The following COX7B2 variants were observed in gnomAD, a reference collection of about 807,000 sequenced individuals.
COX7B2 encodes cytochrome c oxidase subunit 7B2, mitochondrial.
For missense variants in COX7B2, 109 were observed against 95.9 expected (o/e 1.14, Z -0.57); for synonymous variants, 37 against 32.1 (o/e 1.15, Z -0.51).
intron 1 of COX7B2, among the ~76,000 whole-genome samples, chr4:46,852,058 A>G (rs12503816): frequency 0.36 from 55,185 of 151,732 alleles, 10,215 homozygotes; most frequent in South Asian, 0.5. Flanking sequence ...ATATATTACT[A>G]TGGTGTTTGC....
At chr4:46,896,238 G>A (rs1719755487) in intron 1 of COX7B2, among the ~76,000 whole-genome samples, 1 of 152,108 alleles carries the variant, frequency 6.6e-6, no homozygotes, top group Non-Finnish European at 1.5e-5. Context: ...ATGCCCATGA[G>A]ACTGTCTAAT....
chr4:46,805,403 CA>C (rs1463426219), intron 2 of COX7B2, among the ~76,000 whole-genome samples: 7 of 152,228 alleles, frequency 4.6e-5, no homozygotes. Flanking sequence ...TAATATACCA[CA>C]AAACTACTTA....
In COX7B2 at chr4:46,888,441, C is replaced by CT. The variant is rs901316950; in HGVS notation, c.-105+20718dup. ...GGACAGGGGCAGATTATGTTTCTTC[C>CT]TTTTTTTTTTTCTTTTTTTTGAGAC... On this transcript the variant is annotated intron_variant, in intron 1 of 2. Coordinates refer to ENST00000355591, the MANE Select transcript of COX7B2 (RefSeq NM_130902.3). Among the ~76,000 whole-genome samples, 652 of 145,532 alleles carry CT rather than the reference C, an allele frequency of 4.5e-3. 6 individuals are homozygous for CT. Among genetic ancestry groups the CT allele is most frequent in the African/African-American group, 0.014 (567 of 39,880 alleles).
intron 2 of COX7B2, among the ~76,000 whole-genome samples, chr4:46,841,335 C>CTGTGTGTGTGTGTGTGTG (rs145768502): frequency 1.1e-4 from 16 of 139,882 alleles, no homozygotes; most frequent in East Asian, 6.4e-4. Flanking sequence ...CAAATGTGCT[C>CTGTGTGTGTGTGTGTGTG]TGTGTGTGTG....
intron 2 of COX7B2, among the ~76,000 whole-genome samples, chr4:46,843,891 T>G (rs1016423652): frequency 6.6e-6 from 1 of 151,958 alleles, no homozygotes; most frequent in African/African-American, 2.4e-5. Flanking sequence ...ACAAAACAGG[T>G]ACTTTGCTGC....
At chr4:46,826,721 C>G (rs375715397) in intron 2 of COX7B2, among the ~76,000 whole-genome samples, 6 of 151,902 alleles carry the variant, frequency 3.9e-5, no homozygotes, top group African/African-American at 1.4e-4. Flanking sequence ...GAACATGGAT[C>G]GAGCTACAGG....
At chr4:46,840,992 A>G (rs1041166709) in intron 2 of COX7B2, among the ~76,000 whole-genome samples, 2 of 152,074 alleles carry the variant, frequency 1.3e-5, no homozygotes, top group Non-Finnish European at 2.9e-5. Context: ...GGAGGCAAAG[A>G]AAGCAAAAAG....
At chr4:46,906,673 T>C (rs1192123997) in intron 1 of COX7B2, among the ~76,000 whole-genome samples, 1 of 152,208 alleles carries the variant, frequency 6.6e-6, no homozygotes, top group East Asian at 1.9e-4. Flanking sequence ...AGAATCTTCT[T>C]CTCTATCAAT....
At chr4:46,881,040 T>G (rs1046281370) in intron 1 of COX7B2, among the ~76,000 whole-genome samples, 64 of 150,848 alleles carry the variant, frequency 4.2e-4, no homozygotes, top group African/African-American at 1.6e-3. Flanking sequence ...TTTTGAATGG[T>G]TTTTTCATGT....
chr4:46,893,532 G>A (rs10938463), intron 1 of COX7B2, among the ~76,000 whole-genome samples: 36,919 of 151,980 alleles, frequency 0.24, 4,691 homozygotes, highest in East Asian at 0.29. Flanking sequence ...AATACATTCA[G>A]GCCTGAATGA....
At chr4:46,824,502 G>A (rs371028932) in intron 2 of COX7B2, among the ~76,000 whole-genome samples, 32 of 152,044 alleles carry the variant, frequency 2.1e-4, no homozygotes, top group Admixed American at 7.2e-4. Flanking sequence ...TCATGCTGCC[G>A]TATGTGATTA....
intron 2 of COX7B2, among the ~76,000 whole-genome samples, chr4:46,835,330 T>C (rs1715436729): frequency 6.6e-6 from 1 of 152,116 alleles, no homozygotes; most frequent in South Asian, 2.1e-4. Context: ...AGTTAGCAAA[T>C]TGAATGTTTC....
At chr4:46,874,934 G>T (rs550439255) in intron 1 of COX7B2, among the ~76,000 whole-genome samples, 8 of 152,232 alleles carry the variant, frequency 5.3e-5, no homozygotes, top group African/African-American at 1.7e-4. Context: ...TTACTAGGCT[G>T]GTCTCTGAGG....
In COX7B2 at chr4:46,797,092, TAAAAAAAAAAAA is replaced by T. The variant is rs762801656; in HGVS notation, c.-50+47856_-50+47867del. Among the ~76,000 whole-genome samples, 12 of 62,578 alleles carry T rather than the reference TAAAAAAAAAAAA, an allele frequency of 1.9e-4. 2 individuals carry two copies. The highest frequency in any genetic ancestry group is 7.2e-4 in the African/African-American group (8 of 11,084). The allele number at this position is 62,578 out of a possible 152,430, so 41.1% of individuals were successfully genotyped here. On this transcript the variant is annotated intron_variant, in intron 2 of 2. Coordinates refer to ENST00000355591, the MANE Select transcript of COX7B2 (RefSeq NM_130902.3). ...ATGTACCCTAAAACTTAGAGTATAA[TAAAAAAAAAAAA>T]AAAAAAAAAAAAAAAAAAAAGGAGA... is the stretch of plus-strand genomic sequence containing the variant.
chr4:46,833,409 T>C (rs924373283), intron 2 of COX7B2, among the ~76,000 whole-genome samples: 1 of 152,124 alleles, frequency 6.6e-6, no homozygotes, highest in African/African-American at 2.4e-5. Flanking sequence ...AGATATAAAT[T>C]TGGGAGGTGT....
chr4:46,892,683 C>A (rs12505121), intron 1 of COX7B2, among the ~76,000 whole-genome samples: 15,788 of 152,146 alleles, frequency 0.1, 969 homozygotes, highest in South Asian at 0.23. Flanking sequence ...GCCTCAACAT[C>A]TTCAGAAAAT....
At position 46,779,111 on chromosome 4, in the gene COX7B2, T is replaced by C. The variant is rs970712771; in HGVS notation, c.-49-43870A>G. Reference sequence around the variant, plus strand: ...ACAAGTGTTTAATGAATAACCAATGTTATAGCTACAATTCATTTAAATATT... The same window carrying C: ...ACAAGTGTTTAATGAATAACCAATGCTATAGCTACAATTCATTTAAATATT... On this transcript the variant is annotated intron_variant, in intron 2 of 2. Coordinates refer to ENST00000355591, the MANE Select transcript of COX7B2 (RefSeq NM_130902.3). Among the ~76,000 whole-genome samples, 4 of 152,314 alleles carry C rather than the reference T, an allele frequency of 2.6e-5. No individual in the cohort carries two copies. The South Asian group carries it at 8.3e-4, about 32-fold the overall frequency.
intron 2 of COX7B2, among the ~76,000 whole-genome samples, chr4:46,814,070 A>G (rs1345788725): frequency 6.6e-6 from 1 of 152,208 alleles, no homozygotes; most frequent in East Asian, 1.9e-4. Context: ...GGGAACTCTT[A>G]TACACTGTTG....
intron 2 of COX7B2, among the ~76,000 whole-genome samples, chr4:46,824,991 C>A (rs969163209): frequency 6.6e-6 from 1 of 151,894 alleles, no homozygotes; most frequent in African/African-American, 2.4e-5. Context: ...ATGTGATGCC[C>A]TCTCATCACT....
Sources: gnomAD v4.1 joint callset for allele counts (sites outside exome capture counted in the v4.1 genomes callset) on GRCh38, gnomAD v4.1.1 for gene constraint, MANE v1.5 for transcripts, NCBI Gene and HGNC (gene_info 2026-07-23, HGNC 2026-07-21) for gene names.